MAPK8: variants seen among roughly 807,000 people sequenced by gnomAD.
MAPK8 encodes mitogen-activated protein kinase 8.
Under a neutral mutation model 52.9 loss-of-function variants are expected in MAPK8, and 13 were observed. That is an observed-to-expected ratio of 0.25 (90% CI 0.16 to 0.39). The LOEUF is 0.39. MAPK8 is among the 10% of genes least tolerant of loss of function. The pLI, the probability that MAPK8 is intolerant of heterozygous loss-of-function variation, is 1.00. For synonymous variants in MAPK8, 191 were observed against 169.8 expected (o/e 1.12, Z -0.97); for missense variants, 300 against 519.2 (o/e 0.58, Z 4.10).
At chr10:48,384,267 G>A (rs2041181639) in intron 1 of MAPK8, among the ~76,000 whole-genome samples, 1 of 152,102 alleles carries the variant, frequency 6.6e-6, no homozygotes, top group Non-Finnish European at 1.5e-5. Flanking sequence ...AAAAAGACAA[G>A]ATGGCCTGAA....
intron 5 of MAPK8, among the ~76,000 whole-genome samples, chr10:48,414,519 C>T (rs1411315871): frequency 7.5e-6 from 1 of 133,908 alleles, no homozygotes. Context: ...GTGGCGTAAT[C>T]ATAGTTCACT....
At position 48,410,138 on chromosome 10, in the gene MAPK8, G is replaced by T; in HGVS notation, c.420G>T (p.Lys140Asn). The T allele has an allele frequency of 1.3e-6, 2 of 1,563,302 alleles. No homozygotes were observed. The highest frequency in any genetic ancestry group is 1.7e-6 in the Non-Finnish European group (2 of 1,156,958). ...YLLYQMLCGI[K>N]HLHSAGIIHR... ...TCTATCAGATGCTGTGTGGAATCAA[G>T]CACCTTCATTCTGCTGGAATTATTC... Residue 140 changes from lysine to asparagine, a missense_variant, in exon 5 of 12, where the codon AAG becomes AAT. Physicochemically the swap from Lys to Asn is moderately conservative, Grantham distance 94. Coordinates refer to ENST00000374189, the MANE Select transcript of MAPK8 (RefSeq NM_001323329.2).
intron 1 of MAPK8, among the ~76,000 whole-genome samples, chr10:48,383,050 A>G (rs1386081152): frequency 6.6e-6 from 1 of 151,780 alleles, no homozygotes; most frequent in Non-Finnish European, 1.5e-5. Flanking sequence ...AAGTTTCTTA[A>G]CAGATTTTAG....
rs1300692073 is a variant in MAPK8 at position 48,382,059 on chromosome 10, A to G, written c.-49-19553A>G. Among the ~76,000 whole-genome samples, 3 of 152,312 alleles carry G rather than the reference A, an allele frequency of 2.0e-5. No individual in the cohort carries two copies. In the East Asian group the frequency reaches 5.8e-4, roughly 29 times the overall value. On this transcript the variant is annotated intron_variant, in intron 1 of 11. Transcript: ENST00000374189. ...AGCCAGGAGACAACAGCCAGGCCAG[A>G]GGGAGTACCACATATGTCTGCAGTC...
chr10:48,312,680 A>T (rs914200684), intron 1 of MAPK8, among the ~76,000 whole-genome samples: 1 of 152,240 alleles, frequency 6.6e-6, no homozygotes, highest in East Asian at 1.9e-4. Context: ...TAAGATAAAG[A>T]AAAGCTACTG....
At chr10:48,336,398 C>T (rs1844691149) in intron 1 of MAPK8, among the ~76,000 whole-genome samples, 1 of 151,948 alleles carries the variant, frequency 6.6e-6, no homozygotes, top group Admixed American at 6.6e-5. Flanking sequence ...CCTCACAGGC[C>T]CTGTGATATC....
chr10:48,318,395 T>C (rs967802435), intron 1 of MAPK8, among the ~76,000 whole-genome samples: 5 of 152,176 alleles, frequency 3.3e-5, no homozygotes, highest in Admixed American at 2.6e-4. Context: ...CACTTAAAAC[T>C]AACCATCACA....
chr10:48,346,527 G>A (rs1188411238), intron 1 of MAPK8, among the ~76,000 whole-genome samples: 1 of 152,196 alleles, frequency 6.6e-6, no homozygotes, highest in African/African-American at 2.4e-5. Flanking sequence ...AACAACACCC[G>A]CTCCTTAGCA....
chr10:48,377,828 CA>C (rs1393739373), intron 1 of MAPK8, among the ~76,000 whole-genome samples: 3 of 152,098 alleles, frequency 2.0e-5, no homozygotes, highest in Non-Finnish European at 2.9e-5. Context: ...GGAGTGACTA[CA>C]AAAGTTGCTT....
intron 1 of MAPK8, among the ~76,000 whole-genome samples, 184 bp from the exon 2 acceptor site, chr10:48,401,424 ATCAG>A (rs1168567187): frequency 6.6e-6 from 1 of 152,290 alleles, no homozygotes; most frequent in East Asian, 1.9e-4. Flanking sequence ...AAAAAAAACT[ATCAG>A]TCATTCATAT....
intron 11 of MAPK8, 59 bp from the exon 12 acceptor site, chr10:48,434,825 A>G (rs2044716189): frequency 6.7e-7 from 1 of 1,501,324 alleles, no homozygotes; most frequent in South Asian, 1.3e-5. Context: ...AGTGCAGTGC[A>G]AGTAGCTTGA....
At chr10:48,431,920 C>G (rs1178593773) in intron 11 of MAPK8, among the ~76,000 whole-genome samples, 1 of 152,088 alleles carries the variant, frequency 6.6e-6, no homozygotes, top group Non-Finnish European at 1.5e-5. Context: ...TTCATTCAGC[C>G]CCTAAGATCC....
At chr10:48,425,276 G>A in intron 7 of MAPK8, 1 of 698,122 alleles carries the variant, frequency 1.4e-6, no homozygotes, top group Non-Finnish European at 2.6e-6. Flanking sequence ...GAGGAAAGGA[G>A]ACCAAGAAAT....
At chr10:48,341,913 C>T (rs984550623) in intron 1 of MAPK8, among the ~76,000 whole-genome samples, 1 of 152,172 alleles carries the variant, frequency 6.6e-6, no homozygotes, top group Non-Finnish European at 1.5e-5. Context: ...ATTTGCACAG[C>T]AATCTAGGCT....
chr10:48,410,898 A>G (rs896141687), intron 5 of MAPK8, among the ~76,000 whole-genome samples: 1 of 152,182 alleles, frequency 6.6e-6, no homozygotes, highest in African/African-American at 2.4e-5. Context: ...GGCATTTTTC[A>G]TGTGCTTGTG....
At chr10:48,346,702 G>T (rs1283570042) in intron 1 of MAPK8, among the ~76,000 whole-genome samples, 1 of 152,188 alleles carries the variant, frequency 6.6e-6, no homozygotes, top group Non-Finnish European at 1.5e-5. Context: ...CCCACTCCTA[G>T]TCTGCCTTCA....
chr10:48,389,969 C>G (rs912283751), intron 1 of MAPK8, among the ~76,000 whole-genome samples: 1 of 152,134 alleles, frequency 6.6e-6, no homozygotes, highest in Non-Finnish European at 1.5e-5. Context: ...GTCCCAAGAT[C>G]TGCAGCTTGC....
chr10:48,404,242 C>T (rs889728652), intron 2 of MAPK8, among the ~76,000 whole-genome samples: 13 of 151,494 alleles, frequency 8.6e-5, no homozygotes, highest in Non-Finnish European at 1.5e-4. Context: ...CTGCAACTTC[C>T]GCCTCCCAGG....
In MAPK8 at chr10:48,417,838, C is replaced by T. The variant is rs183827016; in HGVS notation, c.451-2317C>T. On this transcript the variant is annotated intron_variant, in intron 5 of 11. Transcript: ENST00000374189. ...AGACCCTGAAATTCTAGGCTCTGTT[C>T]CCTTTTATTTCTGCTTTAAAAGGTG... 4.0e-3 allele frequency among the ~76,000 whole-genome samples: 604 copies of T among 152,268 alleles called. 1 individual carries two copies. The highest frequency in any genetic ancestry group is 7.0e-3 in the Non-Finnish European group (474 of 68,018).
Sources: allele counts gnomAD v4.1 joint callset (sites outside exome capture counted in the v4.1 genomes callset), GRCh38; gene constraint gnomAD v4.1.1; transcripts MANE v1.5; gene names NCBI Gene and HGNC (gene_info 2026-07-23, HGNC 2026-07-21).